RAF1: variants seen among roughly 807,000 people sequenced by gnomAD.
The protein encoded by RAF1 is Raf-1 proto-oncogene, serine/threonine kinase.
RAF1 carries 27 observed loss-of-function variants against 81.1 expected under a neutral mutation model. The ratio of observed to expected loss-of-function variants is 0.33; its 90% CI spans 0.25 to 0.46. RAF1 has a LOEUF of 0.46. RAF1 is among the 20% of genes least tolerant of loss of function. The pLI, the probability that RAF1 is intolerant of heterozygous loss-of-function variation, is 1.00. For missense variants in RAF1, 598 were observed against 826.0 expected (o/e 0.72, Z 3.38); for synonymous variants, 298 against 294.0 (o/e 1.01, Z -0.14).
At chr3:12,641,017 G>A (rs1296771244) in intron 1 of RAF1, among the ~76,000 whole-genome samples, 6 of 152,112 alleles carry the variant, frequency 3.9e-5, no homozygotes, top group East Asian at 3.9e-4. Context: ...TATACACCAC[G>A]GAATACTATG....
rs967394739 is a variant in RAF1 at position 12,656,048 on chromosome 3, T to TAC, written c.-27+7763_-27+7764dup. 1.2e-4 allele frequency among the ~76,000 whole-genome samples: 18 copies of TAC among 149,630 alleles called. No individual in the cohort carries two copies. In the East Asian group the frequency reaches 2.3e-3, roughly 19 times the overall value. On this transcript the variant is annotated intron_variant, in intron 1 of 17. Coordinates refer to ENST00000442415, the MANE Select transcript of RAF1 (RefSeq NM_001354689.3). ...TTGTTAAATGTCACTGGATTGTAGA[T>TAC]ACACACACACACACCCCACCCCCAA...
At chr3:12,660,892 T>G (rs997509419) in intron 1 of RAF1, among the ~76,000 whole-genome samples, 3 of 152,092 alleles carry the variant, frequency 2.0e-5, no homozygotes, top group South Asian at 4.1e-4. Flanking sequence ...GGAGAATGCT[T>G]AAACCCAGGA....
At chr3:12,631,868 A>G (rs1237776825) in intron 1 of RAF1, among the ~76,000 whole-genome samples, 2 of 152,180 alleles carry the variant, frequency 1.3e-5, no homozygotes, top group Non-Finnish European at 2.9e-5. Context: ...CTGCAGAGGT[A>G]CATCTGTTCA....
intron 1 of RAF1, among the ~76,000 whole-genome samples, chr3:12,647,116 G>A (rs1198370142): frequency 1.3e-5 from 2 of 151,392 alleles, no homozygotes; most frequent in African/African-American, 2.4e-5. Flanking sequence ...CTAACATGGT[G>A]AAACCCCGTC....
chr3:12,597,188 G>A (rs1441914483), intron 11 of RAF1, among the ~76,000 whole-genome samples: 1 of 152,098 alleles, frequency 6.6e-6, no homozygotes, highest in African/African-American at 2.4e-5. Context: ...GTGAGCCACC[G>A]CACCTGGCCT....
At chr3:12,596,255 T>G (rs1352725538) in intron 11 of RAF1, among the ~76,000 whole-genome samples, 2 of 150,876 alleles carry the variant, frequency 1.3e-5, no homozygotes, top group African/African-American at 4.9e-5. Flanking sequence ...AGTGCTGTGG[T>G]ATGATCTTGG....
intron 1 of RAF1, among the ~76,000 whole-genome samples, chr3:12,660,847 C>G (rs1406887255): frequency 1.3e-5 from 2 of 151,990 alleles, no homozygotes; most frequent in South Asian, 2.1e-4. Flanking sequence ...TGGTGGCAGG[C>G]GCCTGTAGTC....
In RAF1 at chr3:12,605,250, ATGTG is replaced by A. The variant is rs139616156; in HGVS notation, c.680+947_680+950del. ...ATTAAACATTATCTGATTACACATT[ATGTG>A]TGTGTGTGTGTGTGTGTGTGTGTGT... On this transcript the variant is annotated intron_variant, in intron 6 of 17. Coordinates refer to ENST00000442415, the MANE Select transcript of RAF1 (RefSeq NM_001354689.3). Among the ~76,000 whole-genome samples the A allele has an allele frequency of 7.8e-3, 1,124 of 144,620 alleles. 5 individuals carry two copies. The highest frequency in any genetic ancestry group is 0.026 in the African/African-American group (1,008 of 38,788). The allele number at this position is 144,620 out of a possible 152,430, so 94.9% of individuals were successfully genotyped here. A position where few individuals can be genotyped will look rare whatever the true frequency, so the allele number is the denominator to read the frequency against.
intron 1 of RAF1, among the ~76,000 whole-genome samples, chr3:12,655,697 TAAAC>T (rs1327835921): frequency 2.0e-5 from 3 of 152,002 alleles, no homozygotes; most frequent in Non-Finnish European, 4.4e-5. Flanking sequence ...GATGAGGAGA[TAAAC>T]AAAATGATAT....
At chr3:12,620,813 G>C (rs903735171) in intron 1 of RAF1, among the ~76,000 whole-genome samples, 2 of 152,050 alleles carry the variant, frequency 1.3e-5, no homozygotes, top group Admixed American at 6.6e-5. Context: ...ACTTGCCCAA[G>C]AACACCCCAG....
chr3:12,584,554 G>GCATTGATATCCTCA lies in RAF1; in HGVS notation c.1953_1966dup (p.Ala656ValfsTer9), dbSNP rs1223996126. 6.2e-7 allele frequency: 1 copy of GCATTGATATCCTCA among 1,614,086 alleles called. No homozygotes were observed. Among genetic ancestry groups the GCATTGATATCCTCA allele is most frequent in the Non-Finnish European group, 8.5e-7 (1 of 1,180,046 alleles). Reference sequence around the variant, plus strand: ...CCTCGGGGACGTGGTCAGCGTGCAAGCATTGATATCCTCAGTGTGGGCTGC... The same window carrying GCATTGATATCCTCA: ...CCTCGGGGACGTGGTCAGCGTGCAAGCATTGATATCCTCACATTGATATCCTCAGTGTGGGCTGC... On this transcript the variant is annotated frameshift_variant, in exon 18 of 18. Transcript: ENST00000442415. LOFTEE classifies it high-confidence loss of function.
chr3:12,627,847 CACTG>C (rs2059750522), intron 1 of RAF1, among the ~76,000 whole-genome samples: 1 of 152,224 alleles, frequency 6.6e-6, no homozygotes, highest in South Asian at 2.1e-4. Context: ...TGGCCAGGCA[CACTG>C]GCTCACGCCT....
intron 1 of RAF1, among the ~76,000 whole-genome samples, chr3:12,660,244 G>GT (rs1314682733): frequency 4.0e-5 from 6 of 151,522 alleles, no homozygotes; most frequent in South Asian, 4.1e-4. Context: ...GCTTCTCACT[G>GT]TTTTTTTCAG....
intron 1 of RAF1, among the ~76,000 whole-genome samples, chr3:12,654,453 T>A (rs2060624333): frequency 6.6e-6 from 1 of 151,718 alleles, no homozygotes; most frequent in South Asian, 2.1e-4. Context: ...AATACAAAAA[T>A]TAGCTGAGTG....
intron 11 of RAF1, among the ~76,000 whole-genome samples, chr3:12,594,367 T>C (rs138827442): frequency 8.3e-4 from 126 of 152,300 alleles, no homozygotes; most frequent in South Asian, 2.7e-3. Flanking sequence ...GGCATGTGGC[T>C]TGGGAGATGC....
intron 6 of RAF1, among the ~76,000 whole-genome samples, chr3:12,605,598 G>A (rs902224635): frequency 1.3e-5 from 2 of 152,162 alleles, no homozygotes; most frequent in African/African-American, 4.8e-5. Flanking sequence ...TATTTTGGAT[G>A]TAGATTTTAC....
chr3:12,659,664 G>C (rs184617415), intron 1 of RAF1, among the ~76,000 whole-genome samples: 172 of 152,000 alleles, frequency 1.1e-3, no homozygotes, highest in African/African-American at 3.9e-3. Context: ...CATTTGTTTT[G>C]AAGAAATGAC....
chr3:12,653,140 G>T (rs1026844356), intron 1 of RAF1, among the ~76,000 whole-genome samples: 4 of 151,030 alleles, frequency 2.6e-5, no homozygotes, highest in Admixed American at 1.3e-4. Context: ...AAATTAGCTG[G>T]GCATAGTGGC....
At chr3:12,649,686 G>A (rs949459018) in intron 1 of RAF1, among the ~76,000 whole-genome samples, 1 of 152,056 alleles carries the variant, frequency 6.6e-6, no homozygotes, top group Non-Finnish European at 1.5e-5. Flanking sequence ...TATTTTGCCA[G>A]AGGATAAAAT....
Sources: gnomAD v4.1 joint callset for allele counts (sites outside exome capture counted in the v4.1 genomes callset) on GRCh38, gnomAD v4.1.1 for gene constraint, MANE v1.5 for transcripts, NCBI Gene and HGNC (gene_info 2026-07-23, HGNC 2026-07-21) for gene names.